VIPR2: variants seen among roughly 807,000 people sequenced by gnomAD.
VIPR2 encodes vasoactive intestinal polypeptide receptor 2.
A neutral mutation model predicts 58.0 loss-of-function variants in VIPR2; 48 were observed. The ratio of observed to expected loss-of-function variants is 0.83; its 90% CI spans 0.66 to 1.05. The LOEUF (loss-of-function observed/expected upper bound fraction) is 1.05. Among genes scored for constraint, VIPR2 ranks in the 50% least tolerant of loss-of-function variants. The probability of loss-of-function intolerance (pLI) is 0.00; values close to 1 mark genes in which losing one functional copy is unlikely to be tolerated. For synonymous variants in VIPR2, 243 were observed against 235.2 expected, an observed-to-expected ratio of 1.03 and a Z score of -0.30; for missense variants, 534 against 558.0, an observed-to-expected ratio of 0.96 and a Z score of 0.43.
chr7:159,100,110 G>A (rs572899595), intron 4 of VIPR2, among the ~76,000 whole-genome samples: 4 of 152,284 alleles, frequency 2.6e-5, no homozygotes, highest in East Asian at 1.9e-4. Flanking sequence ...CCAGCCAGGC[G>A]ACTCCTGCAG....
At chr7:159,034,841 T>C (rs950472078) in intron 8 of VIPR2, among the ~76,000 whole-genome samples, 191 bp from the exon 9 acceptor site, 1 of 152,156 alleles carries the variant, frequency 6.6e-6, no homozygotes, top group Non-Finnish European at 1.5e-5. Flanking sequence ...TTCAAAACAA[T>C]AGTCGGCTTG....
intron 2 of VIPR2, among the ~76,000 whole-genome samples, chr7:159,111,970 C>T (rs552259040): frequency 2.6e-5 from 4 of 152,236 alleles, no homozygotes; most frequent in African/African-American, 9.6e-5. Flanking sequence ...AAGATCATGG[C>T]ACCGCACTCC....
At chr7:159,125,411 T>A (rs1360131111) in intron 2 of VIPR2, among the ~76,000 whole-genome samples, 1 of 152,200 alleles carries the variant, frequency 6.6e-6, no homozygotes, top group East Asian at 1.9e-4. Context: ...CACAAGGAAC[T>A]GTGGTTCCTT....
rs1213586668 is a variant in VIPR2 at position 159,031,941 on chromosome 7, G to T, written c.1098C>A (p.Phe366Leu). The change falls in exon 11 of 13, where the codon TTC becomes TTA. Residue 366 changes from phenylalanine to leucine, a missense_variant. Phe to Leu is a conservative substitution (Grantham distance 22). Coordinates refer to ENST00000262178, the MANE Select transcript of VIPR2 (RefSeq NM_003382.5). The surrounding 1 kb of genome is among the most constrained non-coding windows in gnomAD (Gnocchi z 4.0). ...QILFELCLGS[F>L]QGLVVAVLYC... ...GCGGCCGCCTCCGCACACCTACCTG[G>T]AACGACCCGAGGCACAGCTCAAACA... 2 of 1,614,042 alleles carry T rather than the reference G, an allele frequency of 1.2e-6. No homozygotes were observed. Among genetic ancestry groups the T allele is most frequent in the African/African-American group, 2.7e-5 (2 of 74,942 alleles).
At chr7:159,138,829 T>C (rs920265352) in intron 2 of VIPR2, among the ~76,000 whole-genome samples, 1 of 152,234 alleles carries the variant, frequency 6.6e-6, no homozygotes, top group Admixed American at 6.5e-5. Flanking sequence ...AGAATTTTTC[T>C]ATGTGCATAT....
chr7:159,102,598 T>C (rs111755687), intron 4 of VIPR2, among the ~76,000 whole-genome samples: 1,910 of 152,278 alleles, frequency 0.013, 40 homozygotes, highest in African/African-American at 0.044. Flanking sequence ...TTGTGAATCT[T>C]AGAGAAGTGA....
chr7:159,063,114 A>C (rs1563287489), intron 4 of VIPR2, among the ~76,000 whole-genome samples: 1 of 152,188 alleles, frequency 6.6e-6, no homozygotes, highest in Non-Finnish European at 1.5e-5. Context: ...CCGCAGGCGG[A>C]GCTGCCCCCA....
At chr7:159,130,746 G>A (rs1047554985) in intron 2 of VIPR2, among the ~76,000 whole-genome samples, 3 of 152,220 alleles carry the variant, frequency 2.0e-5, no homozygotes, top group African/African-American at 7.2e-5. Context: ...CTGAAATGCT[G>A]TGTATTGATT....
At chr7:159,070,720 TC>T (rs1270150575) in intron 4 of VIPR2, among the ~76,000 whole-genome samples, 3 of 152,238 alleles carry the variant, frequency 2.0e-5, no homozygotes, top group African/African-American at 7.2e-5. Flanking sequence ...TTTGTGTTTG[TC>T]TTCACTAGAA....
rs774248608 is a variant in VIPR2 at position 159,035,951 on chromosome 7, C to A, written c.809+1G>T. 6.2e-7 allele frequency: 1 copy of A among 1,613,662 alleles called. No individual in the cohort carries two copies. The highest frequency in any genetic ancestry group is 8.5e-7 in the Non-Finnish European group (1 of 1,179,754). The stretch of plus-strand genomic sequence containing the variant: ...AGGTTGCAGTCTGGTCATGGACTCA[C>A]CCGGTGTCTTCTAAGTAGAGCCTGG... On this transcript the variant is annotated splice_donor_variant, in intron 8 of 12. Transcript: ENST00000262178. LOFTEE classifies it high-confidence loss of function.
intron 3 of VIPR2, among the ~76,000 whole-genome samples, chr7:159,106,314 G>A (rs1315460657): frequency 6.6e-6 from 1 of 152,284 alleles, no homozygotes; most frequent in Non-Finnish European, 1.5e-5. Flanking sequence ...TATCCTTTCT[G>A]ACTTCTCACT....
intron 4 of VIPR2, among the ~76,000 whole-genome samples, chr7:159,075,289 T>G (rs1393080524): frequency 6.6e-6 from 1 of 152,226 alleles, no homozygotes; most frequent in Non-Finnish European, 1.5e-5. Flanking sequence ...ATTTCTTTGT[T>G]GAAACACCTC....
In VIPR2 at chr7:159,031,463, C is replaced by A. The variant is rs180996413; in HGVS notation, c.1143+365G>T. ...CACAGGACGCTGTGCAGCCCCACCCCCCAACCCAGGCCCGGCTTTCTGGGA... is the reference window on the plus strand; with the variant it reads ...CACAGGACGCTGTGCAGCCCCACCCACCAACCCAGGCCCGGCTTTCTGGGA... On this transcript the variant is annotated intron_variant, in intron 12 of 12. Transcript: ENST00000262178. The surrounding 1 kb of genome is among the most constrained non-coding windows in gnomAD (Gnocchi z 4.0). The A allele has an allele frequency of 1.3e-4, 133 of 985,394 alleles. No individual in the cohort carries two copies. Among genetic ancestry groups the A allele is most frequent in the Admixed American group, 1.2e-3 (19 of 16,292 alleles). The allele number at this position is 985,394 out of a possible 1,614,324, so 61.0% of individuals were successfully genotyped here. A position where few individuals can be genotyped will look rare whatever the true frequency, so the allele number is the denominator to read the frequency against.
In VIPR2 at chr7:159,140,858, G is replaced by T. The variant is rs1797437670; in HGVS notation, c.151+1588C>A. Among the ~76,000 whole-genome samples, 3 of 152,316 alleles carry T rather than the reference G, an allele frequency of 2.0e-5. No homozygotes were observed. In the South Asian group the frequency reaches 6.2e-4, roughly 32 times the overall value. Reference sequence around the variant, plus strand: ...CCTTTGGGTGAGGGTGTTCCAGGAGGCGTCGCCAATCTCAGGTTAAGCTAG... The same window carrying T: ...CCTTTGGGTGAGGGTGTTCCAGGAGTCGTCGCCAATCTCAGGTTAAGCTAG... On this transcript the variant is annotated intron_variant, in intron 2 of 12. Transcript: ENST00000262178.
intron 4 of VIPR2, among the ~76,000 whole-genome samples, chr7:159,082,797 G>T (rs1419061051): frequency 6.6e-6 from 1 of 151,274 alleles, no homozygotes; most frequent in Non-Finnish European, 1.5e-5. Flanking sequence ...CTTGCAGACA[G>T]GCAGACAGAC....
At chr7:159,049,937 A>G (rs1334823202) in intron 5 of VIPR2, among the ~76,000 whole-genome samples, 1 of 152,250 alleles carries the variant, frequency 6.6e-6, no homozygotes, top group East Asian at 1.9e-4. Context: ...AATCCTCTGC[A>G]GCAAGATAAT....
intron 3 of VIPR2, among the ~76,000 whole-genome samples, chr7:159,108,205 C>T (rs1795845649): frequency 6.6e-6 from 1 of 152,212 alleles, no homozygotes; most frequent in East Asian, 1.9e-4. Context: ...GAAGCCTCAG[C>T]TTCTGTGGTA....
intron 1 of VIPR2, 29 bp downstream of exon 1, chr7:159,144,692 C>T (rs904081368): frequency 7.5e-7 from 1 of 1,332,144 alleles, no homozygotes; most frequent in Non-Finnish European, 9.6e-7. Context: ...TCCGAGGCGC[C>T]GTGGGGCGGG....
At chr7:159,134,089 T>C (rs915628923) in intron 2 of VIPR2, among the ~76,000 whole-genome samples, 1 of 152,234 alleles carries the variant, frequency 6.6e-6, no homozygotes, top group Admixed American at 6.5e-5. Flanking sequence ...ATCTAGATCA[T>C]GCCCAAATAA....
Sources: allele counts gnomAD v4.1 joint callset (sites outside exome capture counted in the v4.1 genomes callset), GRCh38; gene constraint gnomAD v4.1.1; non-coding constraint Gnocchi (gnomAD v3.1); transcripts MANE v1.5; gene names NCBI Gene and HGNC (gene_info 2026-07-23, HGNC 2026-07-21).